Variants in PAWR observed in about 807,000 individuals in gnomAD.
PAWR encodes PRKC apoptosis WT1 regulator protein.
PAWR carries 23 observed loss-of-function variants against 32.0 expected under a neutral mutation model. The observed-to-expected ratio is 0.72, with a 90% CI of 0.52 to 1.02. PAWR has a LOEUF of 1.02. Ranked by LOEUF, PAWR falls within the 50% of genes least tolerant of loss-of-function variation. PAWR has a pLI of 0.00. For missense variants in PAWR, 457 were observed against 437.7 expected (o/e 1.04, Z -0.39); for synonymous variants, 226 against 187.1 (o/e 1.21, Z -1.70).
chr12:79,664,123 A>T (rs1035604866), intron 2 of PAWR, among the ~76,000 whole-genome samples: 2 of 152,226 alleles, frequency 1.3e-5, no homozygotes, highest in Admixed American at 1.3e-4. Flanking sequence ...GGGATTATTT[A>T]TCACTATTCA....
intron 2 of PAWR, among the ~76,000 whole-genome samples, chr12:79,662,201 CAAAAAAAAA>C (rs57565065): frequency 2.2e-5 from 1 of 45,712 alleles, no homozygotes; most frequent in African/African-American, 7.0e-5. Context: ...AGACATCTCT[CAAAAAAAAA>C]AAAAAAAAAA....
intron 2 of PAWR, among the ~76,000 whole-genome samples, chr12:79,679,476 G>A (rs1878333337): frequency 6.6e-6 from 1 of 152,182 alleles, no homozygotes; most frequent in Admixed American, 6.5e-5. Flanking sequence ...GTCAGCAGGT[G>A]AAAATGTTGC....
chr12:79,651,985 T>C (rs191596074), intron 2 of PAWR, among the ~76,000 whole-genome samples: 1 of 152,226 alleles, frequency 6.6e-6, no homozygotes, highest in Non-Finnish European at 1.5e-5. Flanking sequence ...CTAGAGGAAA[T>C]AAGCCATTCA....
At chr12:79,634,688 G>T (rs1388594342) in intron 2 of PAWR, among the ~76,000 whole-genome samples, 1 of 151,862 alleles carries the variant, frequency 6.6e-6, no homozygotes. Context: ...CAATAGCAGT[G>T]AGCACTTTTC....
intron 2 of PAWR, among the ~76,000 whole-genome samples, chr12:79,625,574 C>A (rs1258074291): frequency 6.6e-6 from 1 of 152,092 alleles, no homozygotes; most frequent in Non-Finnish European, 1.5e-5. Flanking sequence ...GTAATCCCAG[C>A]ACTTTGGGAG....
rs146293369 is a variant in PAWR, at chr12:79,605,690, A to G, written c.683+7885T>C. On this transcript the variant is annotated intron_variant, in intron 4 of 6. Transcript: ENST00000328827. ...AAAGAATCTAACATTATGTTACTCC[A>G]AATGGTAAAACATAATATAGTATAT... Among the ~76,000 whole-genome samples the G allele has an allele frequency of 4.1e-3, 622 of 152,326 alleles. 12 individuals carry two copies. The highest frequency in any genetic ancestry group is 0.014 in the African/African-American group (590 of 41,560).
intron 2 of PAWR, among the ~76,000 whole-genome samples, chr12:79,641,392 G>A (rs1277433468): frequency 1.3e-5 from 2 of 152,150 alleles, no homozygotes; most frequent in African/African-American, 4.8e-5. Flanking sequence ...AAGTGATGGA[G>A]CTGTGATATG....
chr12:79,687,333 A>G (rs1449254466), intron 2 of PAWR, among the ~76,000 whole-genome samples: 5 of 152,176 alleles, frequency 3.3e-5, no homozygotes, highest in South Asian at 4.1e-4. Context: ...TATACACTCT[A>G]TAACTAGTAA....
rs149613706 is a variant in PAWR at position 79,604,174 on chromosome 12, T to G, written c.684-7516A>C. 886 of 908,454 alleles carry G rather than the reference T, an allele frequency of 9.8e-4. 14 individuals are homozygous for G. In the African/African-American group the frequency reaches 0.014, roughly 14 times the overall value. The allele number at this position is 908,454 out of a possible 1,614,324, so 56.3% of individuals were successfully genotyped here. A position where few individuals can be genotyped will look rare whatever the true frequency, so the allele number is the denominator to read the frequency against. The stretch of plus-strand genomic sequence containing the variant: ...TCAGAATAAAAGATTGTTCATTAAC[T>G]CCAAAAAGTTTTTAACATTTTACTT... On this transcript the variant is annotated intron_variant, in intron 4 of 6. Transcript: ENST00000328827.
chr12:79,632,101 C>T (rs1875654552), intron 2 of PAWR: 1 of 140,022 alleles, frequency 7.1e-6, no homozygotes, highest in Non-Finnish European at 1.5e-5. Context: ...CCATTGCACT[C>T]CAGCCTGGGT....
rs1875729800 is a variant in PAWR, at chr12:79,632,346, TATATATA to T, written c.517-11146_517-11140del. Reference sequence around the variant, plus strand: ...ATATATATATATATATATATATATATATATATATATATATATTTTTTTTTTTTTTTAG... The same window carrying T: ...ATATATATATATATATATATATATATTATATATATTTTTTTTTTTTTTTAG... On this transcript the variant is annotated intron_variant, in intron 2 of 6. Coordinates refer to ENST00000328827, the MANE Select transcript of PAWR (RefSeq NM_002583.4). 6.0e-5 allele frequency among the ~76,000 whole-genome samples: 4 copies of T among 66,800 alleles called. No homozygotes were observed. In the African/African-American group the frequency reaches 6.7e-4, roughly 11 times the overall value. 43.8% of individuals were successfully genotyped at this position (66,800 alleles called of 152,430 possible). A position where few individuals can be genotyped will look rare whatever the true frequency, so the allele number is the denominator to read the frequency against.
intron 4 of PAWR, among the ~76,000 whole-genome samples, chr12:79,602,833 T>C (rs1262212697): frequency 1.3e-5 from 2 of 150,936 alleles, no homozygotes; most frequent in East Asian, 2.0e-4. Context: ...CTCAAACTCC[T>C]GGCTTCTGGA....
At chr12:79,603,469 C>T (rs1326293857) in intron 4 of PAWR, among the ~76,000 whole-genome samples, 1 of 151,980 alleles carries the variant, frequency 6.6e-6, no homozygotes, top group Admixed American at 6.6e-5. Flanking sequence ...CTTTCTGCAT[C>T]CATCCATGAC....
At chr12:79,644,521 T>C (rs1487795963) in intron 2 of PAWR, among the ~76,000 whole-genome samples, 1 of 152,194 alleles carries the variant, frequency 6.6e-6, no homozygotes, top group African/African-American at 2.4e-5. Flanking sequence ...TCTACCTCAG[T>C]TGTTTTCCTA....
chr12:79,650,497 A>T (rs1450283256), intron 2 of PAWR, among the ~76,000 whole-genome samples: 2 of 152,206 alleles, frequency 1.3e-5, no homozygotes, highest in Non-Finnish European at 2.9e-5. Context: ...ATTGGGCAAA[A>T]CTTACTAAAA....
intron 4 of PAWR, among the ~76,000 whole-genome samples, chr12:79,599,276 A>T (rs1873874160): frequency 6.6e-6 from 1 of 152,232 alleles, no homozygotes; most frequent in Non-Finnish European, 1.5e-5. Flanking sequence ...AAACTACAGT[A>T]TCTAATTTTT....
intron 2 of PAWR, among the ~76,000 whole-genome samples, chr12:79,641,504 C>T (rs2136774502): frequency 6.6e-6 from 1 of 152,244 alleles, no homozygotes; most frequent in Middle Eastern, 3.4e-3. Flanking sequence ...TTATATAAAA[C>T]AAGCTCTCCA....
In PAWR at chr12:79,680,906, G is replaced by A. The variant is rs903064455; in HGVS notation, c.516+8823C>T. 2.6e-5 allele frequency among the ~76,000 whole-genome samples: 4 copies of A among 151,752 alleles called. No individual in the cohort carries two copies. The South Asian group carries it at 8.4e-4, about 32-fold the overall frequency. On this transcript the variant is annotated intron_variant, in intron 2 of 6. Transcript: ENST00000328827. ...AGGCCAAGGTGAGAGAAGCATTTGC[G>A]TGTAGGAGTTCAAGACCAGCAACAT...
intron 2 of PAWR, among the ~76,000 whole-genome samples, chr12:79,670,148 G>A (rs1396003115): frequency 6.6e-6 from 1 of 152,132 alleles, no homozygotes; most frequent in African/African-American, 2.4e-5. Flanking sequence ...TTGCACCACA[G>A]CATGTTTCTA....
Sources: gnomAD v4.1 joint callset for allele counts (sites outside exome capture counted in the v4.1 genomes callset) on GRCh38, gnomAD v4.1.1 for gene constraint, MANE v1.5 for transcripts, NCBI Gene and HGNC (gene_info 2026-07-23, HGNC 2026-07-21) for gene names.